Variants in TBCD observed in about 807,000 individuals in gnomAD.
TBCD encodes tubulin-specific chaperone D.
In TBCD, 105 loss-of-function variants were observed where a neutral mutation model predicts 169.3. That is an observed-to-expected ratio of 0.62 (90% CI 0.53 to 0.73). The LOEUF (loss-of-function observed/expected upper bound fraction) is 0.73. TBCD is among the 30% of genes least tolerant of loss of function. TBCD has a pLI of 0.00. For missense variants in TBCD, 1,444 were observed against 1,600.1 expected, an observed-to-expected ratio of 0.90 and a Z score of 1.66; for synonymous variants, 700 against 643.9, an observed-to-expected ratio of 1.09 and a Z score of -1.32.
Position 82,910,813 on chromosome 17 carries a change from G to C in TBCD, c.2007-945G>C, listed in dbSNP as rs959251339. On this transcript the variant is annotated intron_variant, in intron 22 of 38. Transcript: ENST00000355528. Reference sequence around the variant, plus strand: ...ACTCCTGACCTGAAGCGATCCGCCCGCCTCGGCCTTCCACAGTGCTGGGAT... The same window carrying C: ...ACTCCTGACCTGAAGCGATCCGCCCCCCTCGGCCTTCCACAGTGCTGGGAT... Among the ~76,000 whole-genome samples, 3 of 152,172 alleles carry C rather than the reference G, an allele frequency of 2.0e-5. No individual in the cohort carries two copies. In the East Asian group the frequency reaches 5.8e-4, roughly 29 times the overall value.
chr17:82,768,281 C>A, intron 4 of TBCD, 139 bp from the exon 5 acceptor site: 1 of 1,021,626 alleles, frequency 9.8e-7, no homozygotes, highest in Non-Finnish European at 1.5e-6. Flanking sequence ...GCTTGCATTT[C>A]TGGCCCTGAG....
At chr17:82,753,905 T>G (rs1259436615) in intron 1 of TBCD, among the ~76,000 whole-genome samples, 8 of 147,112 alleles carry the variant, frequency 5.4e-5, no homozygotes, top group African/African-American at 1.3e-4. Flanking sequence ...TCTCACTTTG[T>G]CCCCCAGGGT....
intron 35 of TBCD, 79 bp from the exon 36 acceptor site, chr17:82,937,970 G>T: frequency 6.3e-7 from 1 of 1,582,642 alleles, no homozygotes; most frequent in Non-Finnish European, 8.6e-7. Flanking sequence ...GTCTCTGCAT[G>T]GGCCTTTGGG....
At position 82,777,099 on chromosome 17, in the gene TBCD, G is replaced by A. The variant is rs528854043; in HGVS notation, c.639-4490G>A. ...AAAGTTTTAATTTTAATGTCAAACC[G>A]TTTTTTTCTCCTTTATTTAGTTATT... is the stretch of plus-strand genomic sequence containing the variant. On this transcript the variant is annotated intron_variant, in intron 6 of 38. Transcript: ENST00000355528. Among the ~76,000 whole-genome samples the A allele has an allele frequency of 9.2e-5, 14 of 151,934 alleles. No individual in the cohort carries two copies. The East Asian group carries it at 9.6e-4, about 10-fold the overall frequency.
Position 82,923,021 on chromosome 17 carries a change from G to A in TBCD, c.2179-631G>A, listed in dbSNP as rs541921205. Among the ~76,000 whole-genome samples the A allele has an allele frequency of 6.6e-6, 1 of 152,302 alleles. No homozygotes were observed. Among genetic ancestry groups the A allele is most frequent in the South Asian group, 2.1e-4 (1 of 4,826 alleles). On this transcript the variant is annotated intron_variant, in intron 25 of 38. Coordinates refer to ENST00000355528, the MANE Select transcript of TBCD (RefSeq NM_005993.5). This position sits in a 1 kb window ranked among gnomAD's most constrained non-coding sequence, Gnocchi z 4.6. ...CCACGGTTCCTGGTGGCCTTGGGATGGGTTCCCGGGGGTCTCCTGCTGTCC... is the reference window on the plus strand; with the variant it reads ...CCACGGTTCCTGGTGGCCTTGGGATAGGTTCCCGGGGGTCTCCTGCTGTCC...
chr17:82,887,750 G>A (rs2058855942), intron 15 of TBCD, among the ~76,000 whole-genome samples: 1 of 152,200 alleles, frequency 6.6e-6, no homozygotes, highest in South Asian at 2.1e-4. Context: ...CCTCGCTTGT[G>A]TCTGACATGG....
chr17:82,917,613 T>C (rs1052965461), intron 23 of TBCD, among the ~76,000 whole-genome samples: 6 of 152,256 alleles, frequency 3.9e-5, no homozygotes, highest in Non-Finnish European at 8.8e-5. Context: ...ATGTTGGCTC[T>C]TGACGGGAGG....
Position 82,782,944 on chromosome 17 carries a change from C to T in TBCD, c.771+1223C>T, listed in dbSNP as rs1016699981. ...TTCCTGTCCATGGCGGCCTCCTGTCCGCGGTGCCCTCCTGTCCATGGTGGC... is the reference window on the plus strand; with the variant it reads ...TTCCTGTCCATGGCGGCCTCCTGTCTGCGGTGCCCTCCTGTCCATGGTGGC... On this transcript the variant is annotated intron_variant, in intron 7 of 38. Coordinates refer to ENST00000355528, the MANE Select transcript of TBCD (RefSeq NM_005993.5). This position sits in a 1 kb window ranked among gnomAD's most constrained non-coding sequence, Gnocchi z 5.1. Among the ~76,000 whole-genome samples, 3 of 150,500 alleles carry T rather than the reference C, an allele frequency of 2.0e-5. No homozygotes were observed. The highest frequency in any genetic ancestry group is 2.0e-4 in the Admixed American group (3 of 15,100).
At chr17:82,762,848 G>A (rs2047836240) in intron 2 of TBCD, among the ~76,000 whole-genome samples, 2 of 152,180 alleles carry the variant, frequency 1.3e-5, no homozygotes, top group South Asian at 4.2e-4. Context: ...GATTCCAGCT[G>A]CTCTGGGTTC....
At position 82,940,243 on chromosome 17, in the gene TBCD, ACAC is replaced by A. The variant is rs1439596869; in HGVS notation, c.3479+768_3479+770del. Among the ~76,000 whole-genome samples the A allele has an allele frequency of 3.1e-3, 463 of 151,794 alleles. 3 individuals are homozygous for A. Among genetic ancestry groups the A allele is most frequent in the South Asian group, 0.03 (145 of 4,804 alleles). ...CGCGCACACACACACACACACACAC[ACAC>A]TTCTAAAAGGGGAGCAGTCTCGTCA... On this transcript the variant is annotated intron_variant, in intron 37 of 38. Coordinates refer to ENST00000355528, the MANE Select transcript of TBCD (RefSeq NM_005993.5).
rs2049573592 is a variant in TBCD, at chr17:82,789,829, C to G, written c.772-7928C>G. Among the ~76,000 whole-genome samples the G allele has an allele frequency of 6.6e-6, 1 of 152,220 alleles. No individual in the cohort carries two copies. Among genetic ancestry groups the G allele is most frequent in the Non-Finnish European group, 1.5e-5 (1 of 68,040 alleles). ...GTGTGACACTTCAGAACCCGCAAGT[C>G]CCAGGTCACACCTGTTGTACCATCA... On this transcript the variant is annotated intron_variant, in intron 7 of 38. Coordinates refer to ENST00000355528, the MANE Select transcript of TBCD (RefSeq NM_005993.5). The surrounding 1 kb of genome is among the most constrained non-coding windows in gnomAD (Gnocchi z 4.8).
chr17:82,753,819 A>G (rs550642245), intron 1 of TBCD, among the ~76,000 whole-genome samples: 51 of 149,062 alleles, frequency 3.4e-4, no homozygotes, highest in Non-Finnish European at 5.3e-4. Flanking sequence ...GTTGCCATGG[A>G]GAAGATTTAG....
chr17:82,761,586 G>C (rs1326170303), intron 2 of TBCD, among the ~76,000 whole-genome samples: 1 of 152,132 alleles, frequency 6.6e-6, no homozygotes, highest in Non-Finnish European at 1.5e-5. Flanking sequence ...AGTTTTGCCT[G>C]TTCTAGAATC....
At position 82,797,739 on chromosome 17, in the gene TBCD, CTT is replaced by C. The variant is rs36020328; in HGVS notation, c.772-4_772-3del. On this transcript the variant is annotated splice_polypyrimidine_tract_variant and intron_variant, in intron 7 of 38. Transcript: ENST00000355528. ...TATTTGTATTTGTAACATTAAAAATCTTTTTTTTTTTTTTTAGGCACAAATAT... is the reference window on the plus strand; with the variant it reads ...TATTTGTATTTGTAACATTAAAAATCTTTTTTTTTTTTTAGGCACAAATAT... 6,369 of 1,312,658 alleles carry C rather than the reference CTT, an allele frequency of 4.9e-3. 2 individuals carry two copies. The highest frequency in any genetic ancestry group is 0.012 in the African/African-American group (743 of 64,248). The allele number at this position is 1,312,658 out of a possible 1,614,324, so 81.3% of individuals were successfully genotyped here.
chr17:82,888,306 A>G (rs1398962812), intron 15 of TBCD, among the ~76,000 whole-genome samples: 1 of 152,246 alleles, frequency 6.6e-6, no homozygotes, highest in East Asian at 1.9e-4. Flanking sequence ...CGCACTGGGC[A>G]GGGAGATGCC....
chr17:82,926,536 G>C (rs756246193), intron 28 of TBCD, 45 bp downstream of exon 28: 2 of 1,538,614 alleles, frequency 1.3e-6, no homozygotes, highest in Admixed American at 3.4e-5. Context: ...TCTCTGAAAG[G>C]CCAGCAGATG....
chr17:82,808,192 G>C lies in TBCD; in HGVS notation c.1148+524G>C, dbSNP rs150085499. On this transcript the variant is annotated intron_variant, in intron 11 of 38. Transcript: ENST00000355528. ...ACAACAGGTGGAGCCCTGGCCTGGA[G>C]GAGCCGGTGGCCCTGTGGGCTCGGG... is the stretch of plus-strand genomic sequence containing the variant. Among the ~76,000 whole-genome samples, 1,248 of 152,328 alleles carry C rather than the reference G, an allele frequency of 8.2e-3. 14 individuals carry two copies. The highest frequency in any genetic ancestry group is 0.014 in the Non-Finnish European group (984 of 68,032).
chr17:82,872,237 G>A (rs541289060), intron 14 of TBCD, among the ~76,000 whole-genome samples: 50 of 152,340 alleles, frequency 3.3e-4, no homozygotes, highest in African/African-American at 1.2e-3. Context: ...CTCCTCTTCG[G>A]AGGAGAACAG....
intron 19 of TBCD, among the ~76,000 whole-genome samples, chr17:82,905,059 C>T (rs535799066): frequency 1.5e-4 from 23 of 152,210 alleles, no homozygotes; most frequent in Non-Finnish European, 3.1e-4. Flanking sequence ...GGTTTCCCCA[C>T]GCAGGTGTGG....
Sources: allele counts gnomAD v4.1 joint callset (sites outside exome capture counted in the v4.1 genomes callset), GRCh38; gene constraint gnomAD v4.1.1; non-coding constraint Gnocchi (gnomAD v3.1); transcripts MANE v1.5; gene names NCBI Gene and HGNC (gene_info 2026-07-23, HGNC 2026-07-21).